The following IFT52 variants were observed in gnomAD, a reference collection of about 807,000 sequenced individuals.
IFT52 encodes the protein intraflagellar transport protein 52 homolog.
A neutral mutation model predicts 54.4 loss-of-function variants in IFT52; 44 were observed. The ratio of observed to expected loss-of-function variants is 0.81; its 90% CI spans 0.63 to 1.04. The LOEUF is 1.04. IFT52 is among the 50% of genes least tolerant of loss of function. IFT52 has a pLI of 0.00. For synonymous variants in IFT52, 181 were observed against 185.3 expected, an observed-to-expected ratio of 0.98 and a Z score of 0.19; for missense variants, 452 against 523.6, an observed-to-expected ratio of 0.86 and a Z score of 1.33.
intron 6 of IFT52, chr20:43,605,312 C>T (rs1982776254): frequency 2.2e-5 from 23 of 1,051,436 alleles, no homozygotes; most frequent in South Asian, 3.7e-5. Context: ...TTTGGGAGGC[C>T]GAGGTGGGTG....
intron 8 of IFT52, 69 bp from the exon 9 acceptor site, chr20:43,620,788 T>G: frequency 9.2e-7 from 1 of 1,087,172 alleles, no homozygotes; most frequent in Non-Finnish European, 1.4e-6. Context: ...GATTTAATTC[T>G]CTAGTCCTGA....
chr20:43,599,250 G>T (rs1339264298), intron 3 of IFT52, among the ~76,000 whole-genome samples: 3 of 152,154 alleles, frequency 2.0e-5, no homozygotes, highest in African/African-American at 4.8e-5. Flanking sequence ...CAATGAGAGA[G>T]TTGGCCTGAT....
intron 12 of IFT52, among the ~76,000 whole-genome samples, chr20:43,639,236 C>A (rs915208561): frequency 3.8e-3 from 512 of 133,050 alleles, no homozygotes; most frequent in Admixed American, 4.7e-3. Context: ...CCCATCTCTA[C>A]AAAAAAAAAA....
chr20:43,601,687 C>G (rs969542685), intron 3 of IFT52, among the ~76,000 whole-genome samples: 5 of 152,152 alleles, frequency 3.3e-5, no homozygotes, highest in Non-Finnish European at 7.3e-5. Flanking sequence ...CAAGCAAAAG[C>G]TATGTTCTGA....
chr20:43,594,888 T>G (rs1426019915), intron 2 of IFT52, 71 bp downstream of exon 2: 1 of 841,744 alleles, frequency 1.2e-6, no homozygotes, highest in Non-Finnish European at 2.0e-6. Flanking sequence ...GAAGTCTTTA[T>G]TTTCTTAGGT....
At chr20:43,597,200 C>T (rs1192644758) in intron 3 of IFT52, among the ~76,000 whole-genome samples, 2 of 151,382 alleles carry the variant, frequency 1.3e-5, no homozygotes, top group African/African-American at 4.9e-5. Flanking sequence ...GGAGAAACCC[C>T]GTCTCTACTA....
intron 7 of IFT52, among the ~76,000 whole-genome samples, chr20:43,618,531 G>A (rs1984028882): frequency 6.6e-6 from 1 of 152,136 alleles, no homozygotes; most frequent in Non-Finnish European, 1.5e-5. Flanking sequence ...GCCCAGGCTG[G>A]AGTACAGTGG....
intron 2 of IFT52, among the ~76,000 whole-genome samples, chr20:43,595,044 G>C (rs1405512234): frequency 6.6e-6 from 1 of 151,778 alleles, no homozygotes; most frequent in Non-Finnish European, 1.5e-5. Context: ...TGGCCGGCAC[G>C]GTGGCTGACA....
intron 12 of IFT52, 50 bp from the exon 13 acceptor site, chr20:43,642,429 G>A: frequency 6.4e-7 from 1 of 1,572,168 alleles, no homozygotes; most frequent in Non-Finnish European, 8.7e-7. Context: ...CTGTACTTTG[G>A]GAAGGGCAGA....
chr20:43,631,507 T>C (rs1460666741), intron 10 of IFT52, among the ~76,000 whole-genome samples: 1 of 152,232 alleles, frequency 6.6e-6, no homozygotes, highest in Non-Finnish European at 1.5e-5. Flanking sequence ...TTTTCTAGCT[T>C]AACTTTGAAG....
rs111707040 is a variant in IFT52, at chr20:43,635,187, GAA to G, written c.924-727_924-726del. Among the ~76,000 whole-genome samples the G allele has an allele frequency of 2.6e-3, 381 of 143,980 alleles. 1 individual carries two copies. The highest frequency in any genetic ancestry group is 6.4e-3 in the African/African-American group (249 of 38,922). The allele number at this position is 143,980 out of a possible 152,430, so 94.5% of individuals were successfully genotyped here. A position where few individuals can be genotyped will look rare whatever the true frequency, so the allele number is the denominator to read the frequency against. ...TGTCTCCAAAAAAAAGAGAGAGAGA[GAA>G]AAAAAAAAAAAGGACATGTGGTATT... On this transcript the variant is annotated intron_variant, in intron 10 of 13. Transcript: ENST00000373030.
intron 10 of IFT52, among the ~76,000 whole-genome samples, chr20:43,625,096 AACAG>A (rs1600495734): frequency 6.6e-6 from 1 of 152,092 alleles, no homozygotes; most frequent in South Asian, 2.1e-4. Context: ...TATCTAGCAA[AACAG>A]ACAGGCATCA....
At chr20:43,618,795 T>C (rs533646787) in intron 7 of IFT52, 145 bp from the exon 8 acceptor site, 11 of 610,292 alleles carry the variant, frequency 1.8e-5, no homozygotes, top group East Asian at 8.7e-5. Flanking sequence ...TAGTTGGTAT[T>C]TCTAAACTTT....
At chr20:43,620,805 G>C (rs1984235652) in intron 8 of IFT52, 52 bp from the exon 9 acceptor site, 2 of 1,335,510 alleles carry the variant, frequency 1.5e-6, no homozygotes, top group Non-Finnish European at 2.1e-6. Flanking sequence ...CTGACCTTCA[G>C]CTTTTTCAAA....
intron 6 of IFT52, among the ~76,000 whole-genome samples, chr20:43,606,350 T>C (rs1982883782): frequency 1.4e-5 from 2 of 148,102 alleles, no homozygotes; most frequent in East Asian, 2.1e-4. Context: ...CTCAGCTCAC[T>C]GCAACCTCCG....
At chr20:43,623,719 C>G (rs951727815) in intron 9 of IFT52, among the ~76,000 whole-genome samples, 172 bp from the exon 10 acceptor site, 3 of 152,162 alleles carry the variant, frequency 2.0e-5, no homozygotes, top group African/African-American at 7.2e-5. Context: ...GAGTTTTGTT[C>G]CTCTTTGCAC....
Position 43,642,622 on chromosome 20 carries a change from C to G in IFT52, c.1264C>G (p.Gln422Glu). 6.2e-7 allele frequency: 1 copy of G among 1,613,798 alleles called. No homozygotes were observed. The change falls in exon 13 of 14, where the codon CAG becomes GAG. Residue 422 changes from glutamine (Q) to glutamate (E), a missense_variant and splice_region_variant. By Grantham distance (29) the Gln-to-Glu change is conservative. Coordinates refer to ENST00000373030, the MANE Select transcript of IFT52 (RefSeq NM_016004.5). ...AGTGGTGGAGTTCAAGAAATTGAAC[C>G]AGGTACAGAGCCTACAAGGCACAGT... ...FQVVEFKKLN[Q>E]EHDIDTSETA...
Position 43,647,144 on chromosome 20 carries a change from T to G in IFT52, c.*161T>G, listed in dbSNP as rs979184435. ...TGTAATACTCAGATAGGTATAAGATTTTTCACAAAATCCTTATGTAAGATA... is the reference window on the plus strand; with the variant it reads ...TGTAATACTCAGATAGGTATAAGATGTTTCACAAAATCCTTATGTAAGATA... On this transcript the variant is annotated 3_prime_UTR_variant, in exon 14 of 14. Coordinates refer to ENST00000373030, the MANE Select transcript of IFT52 (RefSeq NM_016004.5). 6.4e-6 allele frequency: 4 copies of G among 629,048 alleles called. No homozygotes were observed. The highest frequency in any genetic ancestry group is 2.8e-5 in the Admixed American group (1 of 36,166). 39.0% of individuals were successfully genotyped at this position (629,048 alleles called of 1,614,324 possible). A position where few individuals can be genotyped will look rare whatever the true frequency, so the allele number is the denominator to read the frequency against.
chr20:43,616,756 C>T (rs907208569), intron 7 of IFT52, among the ~76,000 whole-genome samples: 26 of 152,120 alleles, frequency 1.7e-4, no homozygotes, highest in Non-Finnish European at 7.4e-5. Flanking sequence ...CATGGTGACT[C>T]ATGCCTATAA....
Sources: allele counts gnomAD v4.1 joint callset (sites outside exome capture counted in the v4.1 genomes callset), GRCh38; gene constraint gnomAD v4.1.1; transcripts MANE v1.5; gene names NCBI Gene and HGNC (gene_info 2026-07-23, HGNC 2026-07-21).